GRID1: variants seen among roughly 807,000 people sequenced by gnomAD.
GRID1 encodes the protein glutamate ionotropic receptor delta type subunit 1.
GRID1 carries 28 observed loss-of-function variants against 98.0 expected under a neutral mutation model. The observed-to-expected ratio is 0.29, with a 90% CI of 0.21 to 0.39. GRID1 has a LOEUF of 0.39. Ranked by LOEUF, GRID1 falls within the 10% of genes least tolerant of loss-of-function variation. GRID1 has a pLI of 1.00. For synonymous variants in GRID1, 553 were observed against 538.5 expected (o/e 1.03, Z -0.37); for missense variants, 1,111 against 1,340.5 (o/e 0.83, Z 2.67).
chr10:86,164,436 A>T (rs1350498850), intron 3 of GRID1, among the ~76,000 whole-genome samples: 1 of 152,206 alleles, frequency 6.6e-6, no homozygotes, highest in Non-Finnish European at 1.5e-5. Flanking sequence ...TCATTAATTC[A>T]TTCATGCACA....
chr10:86,095,437 A>G (rs1385119326), intron 4 of GRID1, among the ~76,000 whole-genome samples: 1 of 152,226 alleles, frequency 6.6e-6, no homozygotes, highest in African/African-American at 2.4e-5. Context: ...AGTGGGAGAA[A>G]ATCTTCACAA....
chr10:85,637,738 G>C (rs1256285888), intron 13 of GRID1, among the ~76,000 whole-genome samples: 2 of 152,142 alleles, frequency 1.3e-5, no homozygotes, highest in Admixed American at 1.3e-4. Context: ...CTTCAAATCA[G>C]AAAAGGAGTT....
At chr10:85,850,923 T>C (rs552412902) in intron 8 of GRID1, among the ~76,000 whole-genome samples, 9 of 152,146 alleles carry the variant, frequency 5.9e-5, no homozygotes, top group African/African-American at 2.4e-5. Context: ...ATACGTACAA[T>C]GCACTTTTGG....
At chr10:86,027,911 G>A (rs1404042740) in intron 4 of GRID1, among the ~76,000 whole-genome samples, 1 of 152,188 alleles carries the variant, frequency 6.6e-6, no homozygotes, top group East Asian at 1.9e-4. Context: ...ATATAGACAA[G>A]AGAATAAACA....
intron 12 of GRID1, among the ~76,000 whole-genome samples, chr10:85,715,975 C>T (rs976588323): frequency 6.6e-6 from 1 of 151,582 alleles, no homozygotes; most frequent in Non-Finnish European, 1.5e-5. Flanking sequence ...GGCATGATCT[C>T]GGCTCACTGC....
intron 2 of GRID1, among the ~76,000 whole-genome samples, chr10:86,311,377 A>G (rs1271336680): frequency 1.3e-5 from 2 of 152,184 alleles, no homozygotes; most frequent in Non-Finnish European, 2.9e-5. Context: ...GGGAGACCTA[A>G]TCAGGACAGC....
chr10:85,618,572 G>A (rs1798429838), intron 14 of GRID1, among the ~76,000 whole-genome samples: 1 of 152,094 alleles, frequency 6.6e-6, no homozygotes, highest in South Asian at 2.1e-4. Flanking sequence ...TTAAATTTAA[G>A]GGAAAACCCA....
chr10:86,213,066 C>A (rs148871381), intron 2 of GRID1, among the ~76,000 whole-genome samples: 2,124 of 152,264 alleles, frequency 0.014, 55 homozygotes, highest in African/African-American at 0.048. Context: ...TTCAGTGATT[C>A]TCTGCCCACT....
intron 8 of GRID1, among the ~76,000 whole-genome samples, chr10:85,822,341 GA>G (rs1389506134): frequency 7.2e-5 from 11 of 151,934 alleles, no homozygotes; most frequent in South Asian, 4.2e-4. Context: ...AAATTTACAA[GA>G]AAAAAACAAA....
At position 86,206,371 on chromosome 10, in the gene GRID1, G is replaced by A. The variant is rs139705667; in HGVS notation, c.513C>T (p.Ser171=). Residue 171 remains serine (S), a synonymous_variant, in exon 3 of 16, where the codon AGC becomes AGT. Coordinates refer to ENST00000327946, the MANE Select transcript of GRID1 (RefSeq NM_017551.3). The surrounding 1 kb of genome is among the most constrained non-coding windows in gnomAD (Gnocchi z 4.1). The part of the protein sequence containing the change: ...RWQKFVMFYD[S]EYDIRGLQSF... ...GCCTGCCGGACAACTCACCATACTC[G>A]CTGTCGTAGAACATGACGAACTTCT... The A allele has an allele frequency of 3.5e-4, 562 of 1,595,654 alleles. No individual in the cohort carries two copies. Among genetic ancestry groups the A allele is most frequent in the Non-Finnish European group, 4.3e-4 (505 of 1,166,958 alleles).
At chr10:86,036,929 T>G (rs988488149) in intron 4 of GRID1, among the ~76,000 whole-genome samples, 2 of 152,216 alleles carry the variant, frequency 1.3e-5, no homozygotes, top group Non-Finnish European at 1.5e-5. Flanking sequence ...ACAAAGCATT[T>G]TATAATTAGC....
intron 4 of GRID1, among the ~76,000 whole-genome samples, chr10:86,011,739 T>C (rs1443302164): frequency 6.6e-6 from 1 of 152,238 alleles, no homozygotes; most frequent in Non-Finnish European, 1.5e-5. Context: ...GTGGTTCTAA[T>C]TGTTTGCTCA....
At chr10:85,663,686 G>A (rs1840990486) in intron 12 of GRID1, among the ~76,000 whole-genome samples, 2 of 152,194 alleles carry the variant, frequency 1.3e-5, no homozygotes, top group African/African-American at 4.8e-5. Context: ...TGGAGACCAT[G>A]CTTTCTCACC....
chr10:86,300,717 G>A (rs1847673820), intron 2 of GRID1, among the ~76,000 whole-genome samples: 1 of 152,090 alleles, frequency 6.6e-6, no homozygotes, highest in African/African-American at 2.4e-5. Flanking sequence ...GGTAACTGGA[G>A]CAGGAGGAAA....
chr10:86,251,250 T>C (rs1288573797), intron 2 of GRID1, among the ~76,000 whole-genome samples: 1 of 151,910 alleles, frequency 6.6e-6, no homozygotes, highest in Admixed American at 6.6e-5. Flanking sequence ...ACCAGAGACC[T>C]TTCTTCACAT....
At chr10:85,759,636 A>G (rs1469132106) in intron 8 of GRID1, among the ~76,000 whole-genome samples, 1 of 152,236 alleles carries the variant, frequency 6.6e-6, no homozygotes, top group Non-Finnish European at 1.5e-5. Flanking sequence ...CTAATCCATA[A>G]TTAGGTCTTG....
intron 4 of GRID1, among the ~76,000 whole-genome samples, chr10:86,115,681 C>A (rs918927613): frequency 2.6e-5 from 4 of 152,200 alleles, no homozygotes; most frequent in Non-Finnish European, 5.9e-5. Flanking sequence ...TCTGCTAACC[C>A]GTGAGGTGAT....
intron 2 of GRID1, among the ~76,000 whole-genome samples, chr10:86,294,319 T>A (rs769981468): frequency 6.6e-6 from 1 of 152,198 alleles, no homozygotes; most frequent in Admixed American, 6.5e-5. Flanking sequence ...GGACCCTGAC[T>A]TTTCCTCTAG....
At chr10:86,060,988 C>A (rs2131913122) in intron 4 of GRID1, among the ~76,000 whole-genome samples, 1 of 152,290 alleles carries the variant, frequency 6.6e-6, no homozygotes, top group African/African-American at 2.4e-5. Flanking sequence ...CTCCACCCCG[C>A]AGGACTCCCT....
Sources: allele counts gnomAD v4.1 joint callset (sites outside exome capture counted in the v4.1 genomes callset), GRCh38; gene constraint gnomAD v4.1.1; non-coding constraint Gnocchi (gnomAD v3.1); transcripts MANE v1.5; gene names NCBI Gene and HGNC (gene_info 2026-07-23, HGNC 2026-07-21).